The following WDR26 variants were observed in gnomAD, a reference collection of about 807,000 sequenced individuals.
WDR26 encodes WD repeat-containing protein 26.
Under a neutral mutation model 84.1 loss-of-function variants are expected in WDR26, and 5 were observed. The ratio of observed to expected loss-of-function variants is 0.06; its 90% confidence interval spans 0.03 to 0.13. The LOEUF is 0.13. Among genes scored for constraint, WDR26 ranks in the 10% least tolerant of loss-of-function variants. The pLI is 1.00. For synonymous variants in WDR26, 415 were observed against 389.6 expected (o/e 1.07, Z -0.77); for missense variants, 642 against 974.9 (o/e 0.66, Z 4.55).
At chr1:224,422,847 A>G (rs1211192240) in intron 4 of WDR26, among the ~76,000 whole-genome samples, 2 of 152,202 alleles carry the variant, frequency 1.3e-5, no homozygotes, top group African/African-American at 2.4e-5. Flanking sequence ...TGAAAATTTT[A>G]TATTTTTTAG....
chr1:224,392,497 G>C lies in WDR26; in HGVS notation c.2260+1331C>G, dbSNP rs116423439. Among the ~76,000 whole-genome samples the C allele has an allele frequency of 6.7e-3, 1,013 of 152,266 alleles. 9 individuals are homozygous for C. The highest frequency in any genetic ancestry group is 0.023 in the African/African-American group (952 of 41,562). On this transcript the variant is annotated intron_variant, in intron 13 of 13. Transcript: ENST00000414423. ...TGACTAATAAAATGAGAAAAGCACAGATTGAATCACAGTTGCAGATCTATA... is the reference window on the plus strand; with the variant it reads ...TGACTAATAAAATGAGAAAAGCACACATTGAATCACAGTTGCAGATCTATA...
intron 6 of WDR26, 141 bp from the exon 7 acceptor site, chr1:224,411,706 T>A: frequency 3.3e-6 from 2 of 611,814 alleles, no homozygotes; most frequent in Non-Finnish European, 4.6e-6. Flanking sequence ...TTGTAAATCT[T>A]TTTTTTTTTT....
intron 7 of WDR26, among the ~76,000 whole-genome samples, chr1:224,405,946 C>T (rs947349097): frequency 1.2e-4 from 18 of 152,176 alleles, no homozygotes; most frequent in Admixed American, 1.1e-3. Context: ...CAGAAAGACA[C>T]AGGATAAGGC....
intron 4 of WDR26, 140 bp downstream of exon 4, chr1:224,424,378 T>A: frequency 8.9e-7 from 1 of 1,126,160 alleles, no homozygotes. Flanking sequence ...ACCAAAATAG[T>A]TGATCCACAC....
chr1:224,421,648 G>A (rs1238520013), intron 4 of WDR26, among the ~76,000 whole-genome samples: 2 of 152,120 alleles, frequency 1.3e-5, no homozygotes, highest in Non-Finnish European at 2.9e-5. Context: ...ACATCTAGCA[G>A]GCCAGGTGTG....
chr1:224,405,200 T>C (rs1363149552), intron 7 of WDR26, among the ~76,000 whole-genome samples: 4 of 152,228 alleles, frequency 2.6e-5, no homozygotes, highest in Admixed American at 6.5e-5. Flanking sequence ...TCTCTTTTAA[T>C]TGGCTTCTTT....
rs1214447519 is a variant in WDR26, at chr1:224,386,435, GTATGA to G, written c.*3395_*3399del. The G allele has an allele frequency of 1.3e-5, 2 of 152,524 alleles. No homozygotes were observed. Among genetic ancestry groups the G allele is most frequent in the African/African-American group, 2.4e-5 (1 of 41,410 alleles). 9.4% of individuals were successfully genotyped at this position (152,524 alleles called of 1,614,324 possible). On this transcript the variant is annotated 3_prime_UTR_variant, in exon 14 of 14. Transcript: ENST00000414423. ...ATGGATATTTTCCCTTTCAAGAGAT[GTATGA>G]TATATTTACCCACTGTGAGGCAGAG...
At chr1:224,424,141 A>G (rs1013241525) in intron 4 of WDR26, among the ~76,000 whole-genome samples, 3 of 152,216 alleles carry the variant, frequency 2.0e-5, no homozygotes, top group African/African-American at 7.2e-5. Context: ...CATGACAAGT[A>G]TTCACTTAAA....
At position 224,433,928 on chromosome 1, in the gene WDR26, G is replaced by A. The variant is rs1387522041; in HGVS notation, c.478C>T (p.Leu160=). The change falls in exon 1 of 14, where the codon CTG becomes TTG. Residue 160 remains leucine (L), a synonymous_variant. Coordinates refer to ENST00000414423, the MANE Select transcript of WDR26 (RefSeq NM_001379403.1). ...CTGGCGGCGGAGGGGGCGGAAGGCAGGAGCCCATTGGCGTGGGCCAGGTCC... is the reference window on the plus strand; with the variant it reads ...CTGGCGGCGGAGGGGGCGGAAGGCAAGAGCCCATTGGCGTGGGCCAGGTCC... The A allele has an allele frequency of 4.2e-5, 65 of 1,535,880 alleles. No individual in the cohort carries two copies. Among genetic ancestry groups the A allele is most frequent in the Non-Finnish European group, 5.4e-5 (62 of 1,146,342 alleles).
intron 3 of WDR26, chr1:224,430,580 C>A (rs942017221): frequency 6.6e-6 from 1 of 152,086 alleles, no homozygotes; most frequent in Non-Finnish European, 1.5e-5. Flanking sequence ...TTAAAAAAAT[C>A]AAAATGTAAT....
At chr1:224,425,267 T>C (rs1464794632) in intron 3 of WDR26, among the ~76,000 whole-genome samples, 6 of 152,194 alleles carry the variant, frequency 3.9e-5, no homozygotes, top group African/African-American at 1.2e-4. Flanking sequence ...ACAACTAACG[T>C]GGACAAGCAT....
intron 12 of WDR26, 120 bp downstream of exon 12, chr1:224,397,977 G>C: frequency 8.1e-7 from 1 of 1,231,490 alleles, no homozygotes. Context: ...CCGTGTATTG[G>C]ATAAATGAAA....
chr1:224,398,484 A>G, intron 11 of WDR26, 31 bp downstream of exon 11: 3 of 1,562,870 alleles, frequency 1.9e-6, no homozygotes, highest in Non-Finnish European at 2.6e-6. Flanking sequence ...ACTAAGCCAA[A>G]TTTTTCAGAA....
chr1:224,424,647 T>C lies in WDR26; in HGVS notation c.935A>G (p.Lys312Arg). Residue 312 changes from lysine to arginine, a missense_variant, in exon 4 of 14, where the codon AAG becomes AGG. This residue lies in a region of WDR26 where 351 missense variants were observed against 672.8 expected (regional missense o/e 0.52). Coordinates refer to ENST00000414423, the MANE Select transcript of WDR26 (RefSeq NM_001379403.1). ...GTACTTCTGCTGCAGCAGCAAAAAC[T>C]TCATCCTCTGACATGACAGAAAGCA... 1.2e-6 allele frequency: 2 copies of C among 1,614,112 alleles called. No individual in the cohort carries two copies. Among genetic ancestry groups the C allele is most frequent in the Non-Finnish European group, 1.7e-6 (2 of 1,179,996 alleles).
At chr1:224,419,933 A>G (rs1674012953) in intron 4 of WDR26, among the ~76,000 whole-genome samples, 2 of 152,120 alleles carry the variant, frequency 1.3e-5, no homozygotes, top group Admixed American at 6.6e-5. Context: ...CAACCCTGTA[A>G]GCACTATTAT....
chr1:224,391,014 A>G (rs983683874), intron 13 of WDR26, among the ~76,000 whole-genome samples: 2 of 151,940 alleles, frequency 1.3e-5, no homozygotes, highest in Non-Finnish European at 2.9e-5. Flanking sequence ...TTCACTTAGC[A>G]TATTGTTTTC....
chr1:224,399,304 A>C (rs1200515573), intron 9 of WDR26, among the ~76,000 whole-genome samples: 2 of 152,214 alleles, frequency 1.3e-5, no homozygotes, highest in Non-Finnish European at 2.9e-5. Flanking sequence ...AAATAACACA[A>C]AGAAAGAAAC....
intron 9 of WDR26, among the ~76,000 whole-genome samples, chr1:224,399,727 C>G (rs868608980): frequency 6.6e-6 from 1 of 152,164 alleles, no homozygotes; most frequent in Non-Finnish European, 1.5e-5. Context: ...ACACCAAAAT[C>G]CATGTGTTCC....
intron 3 of WDR26, chr1:224,429,775 A>G (rs1166541419): frequency 2.6e-5 from 4 of 152,196 alleles, no homozygotes; most frequent in African/African-American, 9.6e-5. Context: ...ATCTATAACT[A>G]CCTTTCTTCA....
Sources: gnomAD v4.1 joint callset for allele counts (sites outside exome capture counted in the v4.1 genomes callset) on GRCh38, gnomAD v4.1.1 for gene constraint, gnomAD v4.1.1 regional missense constraint, MANE v1.5 for transcripts, NCBI Gene and HGNC (gene_info 2026-07-23, HGNC 2026-07-21) for gene names.